CLDN1: variants seen among roughly 807,000 people sequenced by gnomAD.
CLDN1 encodes the protein claudin-1.
In CLDN1, 12 loss-of-function variants were observed where a neutral mutation model predicts 22.6. The ratio of observed to expected loss-of-function variants is 0.53; its 90% CI spans 0.34 to 0.86. CLDN1 has a LOEUF of 0.86. Among genes scored for constraint, CLDN1 ranks in the 40% least tolerant of loss-of-function variants. The pLI is 0.02. For synonymous variants in CLDN1, 99 were observed against 103.8 expected (o/e 0.95, Z 0.28); for missense variants, 250 against 269.5 (o/e 0.93, Z 0.51).
rs779558274 is a variant in CLDN1 at position 190,322,237 on chromosome 3, G to A, written c.-31C>T. 1 of 1,600,372 alleles carries A rather than the reference G, an allele frequency of 6.2e-7. No individual in the cohort carries two copies. Among genetic ancestry groups the A allele is most frequent in the Non-Finnish European group, 8.6e-7 (1 of 1,169,580 alleles). ...GCTCGGGCGCCCGCGCTGGCTCAGG[G>A]GTGGCAGGTGCAGAAGGCGGAGAGT... On this transcript the variant is annotated 5_prime_UTR_variant, in exon 1 of 4. Transcript: ENST00000295522.
chr3:190,313,411 T>C (rs1235425206), intron 1 of CLDN1, among the ~76,000 whole-genome samples: 1 of 152,246 alleles, frequency 6.6e-6, no homozygotes, highest in Non-Finnish European at 1.5e-5. Context: ...GTAACAATCA[T>C]ATATACTATC....
intron 2 of CLDN1, 128 bp from the exon 3 acceptor site, chr3:190,310,381 G>A (rs531415931): frequency 1.2e-4 from 82 of 668,364 alleles, no homozygotes; most frequent in Non-Finnish European, 1.9e-4. Flanking sequence ...TTTTATTTTG[G>A]TATTAGGGAG....
At chr3:190,316,460 G>A (rs1189063835) in intron 1 of CLDN1, among the ~76,000 whole-genome samples, 2 of 152,152 alleles carry the variant, frequency 1.3e-5, no homozygotes, top group African/African-American at 2.4e-5. Flanking sequence ...AAAACAGCAC[G>A]AAAACTCACA....
chr3:190,313,885 A>G (rs1716693760), intron 1 of CLDN1, among the ~76,000 whole-genome samples: 1 of 152,174 alleles, frequency 6.6e-6, no homozygotes, highest in African/African-American at 2.4e-5. Context: ...TTAAAGAGTA[A>G]AAACTTGATG....
At position 190,322,277 on chromosome 3, in the gene CLDN1, C is replaced by A; in HGVS notation, c.-71G>T. 2 of 1,361,554 alleles carry A rather than the reference C, an allele frequency of 1.5e-6. No homozygotes were observed. Among genetic ancestry groups the A allele is most frequent in the Non-Finnish European group, 2.1e-6 (2 of 965,864 alleles). The allele number at this position is 1,361,554 out of a possible 1,614,324, so 84.3% of individuals were successfully genotyped here. On this transcript the variant is annotated 5_prime_UTR_variant, in exon 1 of 4. Coordinates refer to ENST00000295522, the MANE Select transcript of CLDN1 (RefSeq NM_021101.5). The stretch of plus-strand genomic sequence containing the variant: ...AGGCGGAGAGTTTGCAGGTGGGCAA[C>A]CCGGACTCCCGAAGGTGGCTGGGCC...
chr3:190,318,283 A>G (rs939708713), intron 1 of CLDN1, among the ~76,000 whole-genome samples: 1 of 152,180 alleles, frequency 6.6e-6, no homozygotes, highest in African/African-American at 2.4e-5. Context: ...ATTTTCTCAG[A>G]ATTAAGTTGA....
rs796319336 is a variant in CLDN1 at position 190,306,729 on chromosome 3, G to A, written c.*1548C>T. 7.2e-5 allele frequency: 11 copies of A among 152,774 alleles called. No homozygotes were observed. Among genetic ancestry groups the A allele is most frequent in the African/African-American group, 2.6e-4 (11 of 41,566 alleles). The allele number at this position is 152,774 out of a possible 1,614,324, so 9.5% of individuals were successfully genotyped here. On this transcript the variant is annotated 3_prime_UTR_variant, in exon 4 of 4. Transcript: ENST00000295522. ...GTGAAATAGCATTCTGTACAGACTG[G>A]AAAAGTAAGAGCAGTTGTTAAAATG...
At chr3:190,321,013 G>T (rs1170902008) in intron 1 of CLDN1, among the ~76,000 whole-genome samples, 1 of 152,024 alleles carries the variant, frequency 6.6e-6, no homozygotes, top group Non-Finnish European at 1.5e-5. Context: ...ACCATCCTTA[G>T]AAATATGTCT....
intron 3 of CLDN1, among the ~76,000 whole-genome samples, chr3:190,309,137 C>A (rs1384777095): frequency 6.6e-6 from 1 of 152,198 alleles, no homozygotes; most frequent in East Asian, 1.9e-4. Context: ...CACCTCTCAG[C>A]CTCAGTTTCT....
At position 190,322,300 on chromosome 3, in the gene CLDN1, G is replaced by A; in HGVS notation, c.-94C>T. 2 of 1,124,396 alleles carry A rather than the reference G, an allele frequency of 1.8e-6. No individual in the cohort carries two copies. The highest frequency in any genetic ancestry group is 2.6e-5 in the South Asian group (2 of 77,416). The allele number at this position is 1,124,396 out of a possible 1,614,324, so 69.7% of individuals were successfully genotyped here. On this transcript the variant is annotated 5_prime_UTR_variant, in exon 1 of 4. Coordinates refer to ENST00000295522, the MANE Select transcript of CLDN1 (RefSeq NM_021101.5). ...AACCCGGACTCCCGAAGGTGGCTGGGCCCCGCGGAGGAAGTTAAGGCGGGG... is the reference window on the plus strand; with the variant it reads ...AACCCGGACTCCCGAAGGTGGCTGGACCCCGCGGAGGAAGTTAAGGCGGGG...
In CLDN1 at chr3:190,307,883, A is replaced by G. The variant is rs1009346138; in HGVS notation, c.*394T>C. 7 of 166,414 alleles carry G rather than the reference A, an allele frequency of 4.2e-5. No homozygotes were observed. Among genetic ancestry groups the G allele is most frequent in the Admixed American group, 1.7e-4 (3 of 17,270 alleles). 10.3% of individuals were successfully genotyped at this position (166,414 alleles called of 1,614,324 possible). On this transcript the variant is annotated 3_prime_UTR_variant, in exon 4 of 4. Transcript: ENST00000295522. ...TCTTCATCAATATGGAATTAAATAC[A>G]TTTACCTATTTTAGAGATATTTTAA...
At position 190,312,902 on chromosome 3, in the gene CLDN1, C is replaced by T; in HGVS notation, c.358G>A (p.Val120Ile). ...DDEVQKMRMA[V>I]IGGAIFLLAG... ...AGAAGAAATATCGCACCCCCAATGACAGCCATCCTCATCTTCTGCACCTCA... is the reference window on the plus strand; with the variant it reads ...AGAAGAAATATCGCACCCCCAATGATAGCCATCCTCATCTTCTGCACCTCA... The change falls in exon 2 of 4, where the codon GTC (valine) becomes ATC (isoleucine). Residue 120 changes from valine (V) to isoleucine (I), a missense_variant. Transcript: ENST00000295522. 6.2e-7 allele frequency: 1 copy of T among 1,614,206 alleles called. No homozygotes were observed. Among genetic ancestry groups the T allele is most frequent in the Non-Finnish European group, 8.5e-7 (1 of 1,180,026 alleles).
At chr3:190,317,616 A>G (rs1487297950) in intron 1 of CLDN1, among the ~76,000 whole-genome samples, 1 of 152,214 alleles carries the variant, frequency 6.6e-6, no homozygotes. Flanking sequence ...TAGCCATATT[A>G]CCTTAGGTTC....
At position 190,305,724 on chromosome 3, in the gene CLDN1, A is replaced by C. The variant is rs1375410236; in HGVS notation, c.*2553T>G. On this transcript the variant is annotated 3_prime_UTR_variant, in exon 4 of 4. Coordinates refer to ENST00000295522, the MANE Select transcript of CLDN1 (RefSeq NM_021101.5). Reference sequence around the variant, plus strand: ...AATAATCCTTTTTTTAAATTAAAAAACAATTTATTGAAAAAGAGTAATGCT... The same window carrying C: ...AATAATCCTTTTTTTAAATTAAAAACCAATTTATTGAAAAAGAGTAATGCT... The C allele has an allele frequency of 6.6e-6, 1 of 152,196 alleles. No homozygotes were observed. The highest frequency in any genetic ancestry group is 1.5e-5 in the Non-Finnish European group (1 of 68,028). 9.4% of individuals were successfully genotyped at this position (152,196 alleles called of 1,614,324 possible).
chr3:190,318,219 C>T (rs1163774143), intron 1 of CLDN1, among the ~76,000 whole-genome samples: 1 of 152,158 alleles, frequency 6.6e-6, no homozygotes, highest in East Asian at 1.9e-4. Flanking sequence ...TACCACTTTT[C>T]AGGATGTCCT....
rs74848629 is a variant in CLDN1 at position 190,319,623 on chromosome 3, C to G, written c.223+2361G>C. ...AAAGCCCTGCATCTGGCCGGGAAGA[C>G]AAGTGTGCTCTACTGGGAAAGACGG... On this transcript the variant is annotated intron_variant, in intron 1 of 3. Coordinates refer to ENST00000295522, the MANE Select transcript of CLDN1 (RefSeq NM_021101.5). 9.3e-3 allele frequency among the ~76,000 whole-genome samples: 1,411 copies of G among 152,326 alleles called. 22 individuals are homozygous for G. Among genetic ancestry groups the G allele is most frequent in the African/African-American group, 0.032 (1,345 of 41,562 alleles).
Position 190,310,210 on chromosome 3 carries a change from G to C in CLDN1, c.432C>G (p.Ile144Met). 1 of 1,613,834 alleles carries C rather than the reference G, an allele frequency of 6.2e-7. No homozygotes were observed. The change falls in exon 3 of 4, where the codon ATC becomes ATG. Residue 144 changes from isoleucine (I) to methionine (M), a missense_variant. By Grantham distance (10) the Ile-to-Met change is conservative. Transcript: ENST00000295522. ...LVATAWYGNRIVQEFYDPMTP... is the reference protein window; with the variant it reads ...LVATAWYGNRMVQEFYDPMTP... ...TCATAGGGTCATAGAATTCTTGAACGATTCTATTGCCATACCATGCTGTGG... is the reference window on the plus strand; with the variant it reads ...TCATAGGGTCATAGAATTCTTGAACCATTCTATTGCCATACCATGCTGTGG...
chr3:190,313,745 T>C (rs1716687841), intron 1 of CLDN1, among the ~76,000 whole-genome samples: 1 of 152,182 alleles, frequency 6.6e-6, no homozygotes, highest in African/African-American at 2.4e-5. Flanking sequence ...TGTTGTAAAA[T>C]AGCACACACA....
chr3:190,308,925 A>C (rs1716534032), intron 3 of CLDN1, among the ~76,000 whole-genome samples: 1 of 152,192 alleles, frequency 6.6e-6, no homozygotes, highest in African/African-American at 2.4e-5. Flanking sequence ...GGTTTTGTAA[A>C]GAAAAGTTCT....
Sources: gnomAD v4.1 joint callset for allele counts (sites outside exome capture counted in the v4.1 genomes callset) on GRCh38, gnomAD v4.1.1 for gene constraint, MANE v1.5 for transcripts, NCBI Gene and HGNC (gene_info 2026-07-23, HGNC 2026-07-21) for gene names.